The following SDC2 variants were observed in gnomAD, a reference collection of about 807,000 sequenced individuals.
The protein encoded by SDC2 is syndecan-2.
A neutral mutation model predicts 22.2 loss-of-function variants in SDC2; 13 were observed. That is an observed-to-expected ratio of 0.59 (90% CI 0.38 to 0.93). The LOEUF (loss-of-function observed/expected upper bound fraction) is 0.93, where lower values mean the gene tolerates loss of function less well. SDC2 is among the 40% of genes least tolerant of loss of function. The pLI is 0.00. For missense variants in SDC2, 235 were observed against 246.8 expected, an observed-to-expected ratio of 0.95 and a Z score of 0.32; for synonymous variants, 94 against 92.8, an observed-to-expected ratio of 1.01 and a Z score of -0.07.
In SDC2 at chr8:96,598,639, A is replaced by C. The variant is rs182574686; in HGVS notation, c.173-3756A>C. The stretch of plus-strand genomic sequence containing the variant: ...CTCAAAATAAATAAATAAATAACAA[A>C]AAAAAATAAGAGAATGAGCATGGGA... On this transcript the variant is annotated intron_variant, in intron 2 of 4. Coordinates refer to ENST00000302190, the MANE Select transcript of SDC2 (RefSeq NM_002998.4). Among the ~76,000 whole-genome samples the C allele has an allele frequency of 3.8e-3, 583 of 152,188 alleles. 3 individuals carry two copies. Among genetic ancestry groups the C allele is most frequent in the South Asian group, 0.027 (130 of 4,826 alleles).
At chr8:96,582,845 C>T (rs147840799) in intron 1 of SDC2, among the ~76,000 whole-genome samples, 94 of 152,294 alleles carry the variant, frequency 6.2e-4, no homozygotes, top group African/African-American at 2.2e-3. Context: ...ACGGAGCAAG[C>T]TCACCTTGAC....
intron 1 of SDC2, among the ~76,000 whole-genome samples, chr8:96,508,342 A>AATC (rs1563641920): frequency 8.1e-6 from 1 of 124,148 alleles, no homozygotes; most frequent in Non-Finnish European, 1.7e-5. Context: ...TAATAATAAT[A>AATC]ATTAGCCGGG....
rs139800660 is a variant in SDC2 at position 96,522,215 on chromosome 8, G to A, written c.60+27884G>A. ...GCTTGGAGTGCATGTTAGGACAAGA[G>A]GTCCCAAGTAGGAAAAAAAGTCTTG... On this transcript the variant is annotated intron_variant, in intron 1 of 4. Coordinates refer to ENST00000302190, the MANE Select transcript of SDC2 (RefSeq NM_002998.4). 9.2e-5 allele frequency among the ~76,000 whole-genome samples: 14 copies of A among 152,310 alleles called. No homozygotes were observed. The East Asian group carries it at 2.7e-3, about 29-fold the overall frequency.
chr8:96,599,845 A>C (rs549727356), intron 2 of SDC2, among the ~76,000 whole-genome samples: 1 of 152,324 alleles, frequency 6.6e-6, no homozygotes, highest in South Asian at 2.1e-4. Flanking sequence ...AAATTAAGAA[A>C]TGAACCGGCC....
intron 1 of SDC2, among the ~76,000 whole-genome samples, chr8:96,571,350 C>T (rs529395914): frequency 6.6e-6 from 1 of 152,228 alleles, no homozygotes; most frequent in South Asian, 2.1e-4. Flanking sequence ...AGTGTGTATG[C>T]TTAGGGAGGT....
In SDC2 at chr8:96,609,770, T is replaced by G; in HGVS notation, c.*222T>G. 1 of 364,280 alleles carries G rather than the reference T, an allele frequency of 2.7e-6. No individual in the cohort carries two copies. Among genetic ancestry groups the G allele is most frequent in the Non-Finnish European group, 4.9e-6 (1 of 205,354 alleles). The allele number at this position is 364,280 out of a possible 1,614,324, so 22.6% of individuals were successfully genotyped here. ...TGTTCTGTGAATAGCAGTGGCAAAA[T>G]ATTATGTTATGAAAACCCTCGATGT... On this transcript the variant is annotated 3_prime_UTR_variant, in exon 5 of 5. Coordinates refer to ENST00000302190, the MANE Select transcript of SDC2 (RefSeq NM_002998.4).
At chr8:96,557,794 G>A (rs1340657010) in intron 1 of SDC2, among the ~76,000 whole-genome samples, 3 of 152,028 alleles carry the variant, frequency 2.0e-5, no homozygotes, top group African/African-American at 7.2e-5. Context: ...AAAAAGAATG[G>A]TACCACTTCT....
rs771639024 is a variant in SDC2 at position 96,609,406 on chromosome 8, T to C, written c.464T>C (p.Ile155Thr). The C allele has an allele frequency of 1.2e-5, 19 of 1,612,322 alleles. No homozygotes were observed. The highest frequency in any genetic ancestry group is 1.2e-5 in the Non-Finnish European group (14 of 1,179,244). ...VLAAVIAGGV[I>T]GFLFAIFLIL... ...TCAGCTGTCATTGCTGGTGGAGTTA[T>C]TGGCTTTCTCTTTGCAATTTTTCTT... is the stretch of plus-strand genomic sequence containing the variant. Residue 155 changes from isoleucine (I) to threonine (T), a missense_variant, in exon 5 of 5, where the codon ATT becomes ACT. Transcript: ENST00000302190.
intron 1 of SDC2, among the ~76,000 whole-genome samples, chr8:96,542,482 T>C (rs958639981): frequency 6.6e-6 from 1 of 152,170 alleles, no homozygotes; most frequent in African/African-American, 2.4e-5. Context: ...TAATGCCTCT[T>C]TAGCAGTGAA....
chr8:96,547,945 G>C (rs140349709), intron 1 of SDC2, among the ~76,000 whole-genome samples: 1 of 151,620 alleles, frequency 6.6e-6, no homozygotes, highest in African/African-American at 2.4e-5. Flanking sequence ...TTAATTTTTT[G>C]TAGAGATGGT....
chr8:96,579,582 G>A (rs1181424382), intron 1 of SDC2, among the ~76,000 whole-genome samples: 4 of 152,148 alleles, frequency 2.6e-5, no homozygotes, highest in Non-Finnish European at 5.9e-5. Context: ...CTAAGAATAG[G>A]CACAGAGAAA....
intron 2 of SDC2, among the ~76,000 whole-genome samples, chr8:96,599,982 A>AAAAAT (rs1354396982): frequency 6.6e-6 from 1 of 152,098 alleles, no homozygotes; most frequent in Non-Finnish European, 1.5e-5. Flanking sequence ...CTCAACAACA[A>AAAAAT]AAAATAATAA....
At position 96,576,389 on chromosome 8, in the gene SDC2, T is replaced by G. The variant is rs116806371; in HGVS notation, c.61-17091T>G. 4.3e-3 allele frequency among the ~76,000 whole-genome samples: 433 copies of G among 101,202 alleles called. 68 individuals carry two copies. Among genetic ancestry groups the G allele is most frequent in the African/African-American group, 0.016 (411 of 25,168 alleles). The allele number at this position is 101,202 out of a possible 152,430, so 66.4% of individuals were successfully genotyped here. ...GTTTGTTTTTGTTTTGTTTTGTTTT[T>G]TTTTACCAGATTTGCTTTATTATTC... On this transcript the variant is annotated intron_variant, in intron 1 of 4. Transcript: ENST00000302190.
chr8:96,508,953 T>C (rs896181707), intron 1 of SDC2, among the ~76,000 whole-genome samples: 22 of 142,408 alleles, frequency 1.5e-4, no homozygotes, highest in Non-Finnish European at 4.8e-5. Flanking sequence ...AATCATGAAG[T>C]GTCAGAATCT....
intron 1 of SDC2, chr8:96,584,966 C>A (rs944772303): frequency 2.0e-5 from 3 of 152,184 alleles, no homozygotes; most frequent in Non-Finnish European, 4.4e-5. Flanking sequence ...AAGGTTGCTT[C>A]CCTTCTGTCT....
intron 1 of SDC2, among the ~76,000 whole-genome samples, chr8:96,576,711 G>A (rs2651469): frequency 0.62 from 93,707 of 151,204 alleles, 30,134 homozygotes; most frequent in Middle Eastern, 0.68. Context: ...GAGCCACCGC[G>A]CCCGGCCTAT....
intron 2 of SDC2, among the ~76,000 whole-genome samples, chr8:96,595,099 G>T (rs1814850104): frequency 6.6e-6 from 1 of 152,150 alleles, no homozygotes; most frequent in Non-Finnish European, 1.5e-5. Flanking sequence ...AGTCAAGTGA[G>T]AAATTTGTGG....
At chr8:96,514,799 C>T (rs1292489891) in intron 1 of SDC2, among the ~76,000 whole-genome samples, 1 of 152,100 alleles carries the variant, frequency 6.6e-6, no homozygotes, top group African/African-American at 2.4e-5. Flanking sequence ...TCTAATGCTG[C>T]CACTGATCTG....
chr8:96,501,295 CTTTTTTTTTTTTTTTTTTT>C (rs35998270), intron 1 of SDC2, among the ~76,000 whole-genome samples: 1 of 55,160 alleles, frequency 1.8e-5, no homozygotes, highest in East Asian at 5.7e-4. Context: ...ATACGTATTT[CTTTTTTTTTTTTTTTTTTT>C]TTTTTTTTTT....
Sources: allele counts gnomAD v4.1 joint callset (sites outside exome capture counted in the v4.1 genomes callset), GRCh38; gene constraint gnomAD v4.1.1; transcripts MANE v1.5; gene names NCBI Gene and HGNC (gene_info 2026-07-23, HGNC 2026-07-21).